RNF220: variants seen among roughly 807,000 people sequenced by gnomAD.
RNF220 encodes the protein ring finger protein 220, also known as E3 ubiquitin-protein ligase RNF220.
In RNF220, 7 loss-of-function variants were observed where a neutral mutation model predicts 67.1. The ratio of observed to expected loss-of-function variants is 0.10; its 90% CI spans 0.06 to 0.20. RNF220 has a LOEUF of 0.20. Ranked by LOEUF, RNF220 falls within the 10% of genes least tolerant of loss-of-function variation. RNF220 has a pLI of 1.00. For synonymous variants in RNF220, 270 were observed against 283.2 expected, an observed-to-expected ratio of 0.95 and a Z score of 0.47; for missense variants, 565 against 740.3, an observed-to-expected ratio of 0.76 and a Z score of 2.75.
chr1:44,450,693 C>T (rs1652578450), intron 2 of RNF220, among the ~76,000 whole-genome samples: 1 of 152,144 alleles, frequency 6.6e-6, no homozygotes, highest in African/African-American at 2.4e-5. Context: ...TTTGGAACTA[C>T]CACAATTTAT....
intron 2 of RNF220, among the ~76,000 whole-genome samples, chr1:44,607,785 G>A (rs908375193): frequency 2.6e-5 from 4 of 152,048 alleles, no homozygotes; most frequent in Non-Finnish European, 2.9e-5. Flanking sequence ...CACCACGCCC[G>A]GCCAAATGTG....
At chr1:44,615,352 T>A (rs191952681) in intron 3 of RNF220, among the ~76,000 whole-genome samples, 1 of 152,266 alleles carries the variant, frequency 6.6e-6, no homozygotes, top group Non-Finnish European at 1.5e-5. Flanking sequence ...GGAGAGGACA[T>A]ACACCCCCCT....
At position 44,621,831 on chromosome 1, in the gene RNF220, G is replaced by A. The variant is rs187393161; in HGVS notation, c.759-911G>A. Among the ~76,000 whole-genome samples, 3 of 152,294 alleles carry A rather than the reference G, an allele frequency of 2.0e-5. No individual in the cohort carries two copies. Among genetic ancestry groups the A allele is most frequent in the Admixed American group, 2.0e-4 (3 of 15,302 alleles). On this transcript the variant is annotated intron_variant, in intron 3 of 14. Coordinates refer to ENST00000361799, the MANE Select transcript of RNF220 (RefSeq NM_018150.4). The surrounding 1 kb of genome is among the most constrained non-coding windows in gnomAD (Gnocchi z 4.8). ...TACCTCATATGTGTGTCTGTGCAGG[G>A]ACCCTATGTGAATGGGCTGTGTCTG...
intron 2 of RNF220, among the ~76,000 whole-genome samples, chr1:44,506,465 G>A (rs892639809): frequency 2.0e-5 from 3 of 152,232 alleles, no homozygotes; most frequent in African/African-American, 4.8e-5. Flanking sequence ...TGAGGGCAGG[G>A]GTGGGGTGAG....
chr1:44,532,173 T>C (rs1660885928), intron 2 of RNF220, among the ~76,000 whole-genome samples: 1 of 152,212 alleles, frequency 6.6e-6, no homozygotes, highest in East Asian at 1.9e-4. Flanking sequence ...TCACAAAGAA[T>C]GGTGCCCAGA....
At chr1:44,642,349 T>C (rs758412062) in intron 8 of RNF220, among the ~76,000 whole-genome samples, 2 of 152,174 alleles carry the variant, frequency 1.3e-5, no homozygotes, top group Non-Finnish European at 2.9e-5. Flanking sequence ...CCAATAAAGG[T>C]TGAAAGAATG....
At chr1:44,635,932 A>G in intron 7 of RNF220, 98 bp from the exon 8 acceptor site, 2 of 1,577,514 alleles carry the variant, frequency 1.3e-6, no homozygotes, top group South Asian at 2.3e-5. Context: ...CCCACTTGGC[A>G]CACCACAGCT....
At chr1:44,486,597 A>T (rs1221068208) in intron 2 of RNF220, among the ~76,000 whole-genome samples, 1 of 152,220 alleles carries the variant, frequency 6.6e-6, no homozygotes, top group Non-Finnish European at 1.5e-5. Context: ...TAGGAAAAAT[A>T]AGCATCACAG....
intron 2 of RNF220, among the ~76,000 whole-genome samples, chr1:44,580,707 T>G (rs936297351): frequency 1.3e-5 from 2 of 152,170 alleles, no homozygotes; most frequent in Non-Finnish European, 2.9e-5. Context: ...TTTGAGGCTT[T>G]ATAGAGAACA....
intron 2 of RNF220, among the ~76,000 whole-genome samples, chr1:44,605,217 T>C (rs943318578): frequency 2.7e-5 from 4 of 150,006 alleles, no homozygotes; most frequent in Admixed American, 2.7e-4. Flanking sequence ...GATAATCACT[T>C]GAACGCAGGA....
chr1:44,449,647 CAT>C (rs773339296), intron 2 of RNF220, among the ~76,000 whole-genome samples: 2 of 152,164 alleles, frequency 1.3e-5, no homozygotes, highest in Non-Finnish European at 2.9e-5. Flanking sequence ...CTCCTAGACT[CAT>C]GTGATCCGCT....
chr1:44,405,022 CT>C (rs1647223274), upstream of RNF220, among the ~76,000 whole-genome samples: 1 of 152,162 alleles, frequency 6.6e-6, no homozygotes, highest in Non-Finnish European at 1.5e-5. Context: ...CCAACGCTCT[CT>C]TTAGTTCACA....
intron 1 of RNF220, among the ~76,000 whole-genome samples, chr1:44,407,647 A>C (rs551507368): frequency 3.9e-4 from 59 of 152,106 alleles, no homozygotes; most frequent in African/African-American, 1.4e-3. Context: ...CTGTTCTGCG[A>C]GCCGCGCGGT....
intron 2 of RNF220, among the ~76,000 whole-genome samples, chr1:44,569,691 C>T (rs1295322147): frequency 6.6e-6 from 1 of 152,150 alleles, no homozygotes; most frequent in African/African-American, 2.4e-5. Flanking sequence ...GATCTCTACA[C>T]TACCTGCTGA....
rs966765466 is a variant in RNF220, at chr1:44,615,828, A to G, written c.758+1531A>G. Among the ~76,000 whole-genome samples, 7 of 152,362 alleles carry G rather than the reference A, an allele frequency of 4.6e-5. No individual in the cohort carries two copies. In the East Asian group the frequency reaches 1.2e-3, roughly 25 times the overall value. The stretch of plus-strand genomic sequence containing the variant: ...CAAACTACCCTAAAACCTAGCAGCT[A>G]AAACAACATACATGTATTATCTCAG... On this transcript the variant is annotated intron_variant, in intron 3 of 14. Transcript: ENST00000361799.
At chr1:44,571,469 G>A (rs889203374) in intron 2 of RNF220, among the ~76,000 whole-genome samples, 1 of 152,150 alleles carries the variant, frequency 6.6e-6, no homozygotes, top group African/African-American at 2.4e-5. Flanking sequence ...TACCTGACAT[G>A]CCACTGTGTC....
At chr1:44,442,964 G>A (rs771640047) in intron 2 of RNF220, among the ~76,000 whole-genome samples, 1 of 152,094 alleles carries the variant, frequency 6.6e-6, no homozygotes, top group African/African-American at 2.4e-5. Flanking sequence ...TGTACCCAAG[G>A]GCCCTCTTAC....
At chr1:44,598,296 G>A (rs1247761796) in intron 2 of RNF220, among the ~76,000 whole-genome samples, 1 of 152,166 alleles carries the variant, frequency 6.6e-6, no homozygotes, top group Non-Finnish European at 1.5e-5. Flanking sequence ...GGCTGTGTGT[G>A]TATTGCTATT....
intron 2 of RNF220, among the ~76,000 whole-genome samples, chr1:44,550,900 T>C (rs1281608678): frequency 6.6e-6 from 1 of 152,034 alleles, no homozygotes; most frequent in Non-Finnish European, 1.5e-5. Flanking sequence ...ATGTGTCTGG[T>C]CTCCTAGTGT....
Sources: gnomAD v4.1 joint callset for allele counts (sites outside exome capture counted in the v4.1 genomes callset) on GRCh38, gnomAD v4.1.1 for gene constraint, Gnocchi (gnomAD v3.1) non-coding constraint, MANE v1.5 for transcripts, NCBI Gene and HGNC (gene_info 2026-07-23, HGNC 2026-07-21) for gene names.